VPS37C: variants seen among roughly 807,000 people sequenced by gnomAD.
VPS37C encodes the protein VPS37C subunit of ESCRT-I, also known as vacuolar protein sorting-associated protein 37C.
In VPS37C, 9 loss-of-function variants were observed where a neutral mutation model predicts 16.1. The observed-to-expected ratio is 0.56, with a 90% confidence interval of 0.34 to 0.97. VPS37C has a LOEUF of 0.97. VPS37C is among the 50% of genes least tolerant of loss of function. VPS37C has a pLI of 0.02. For synonymous variants in VPS37C, 207 were observed against 206.4 expected, an observed-to-expected ratio of 1.00 and a Z score of -0.02; for missense variants, 479 against 472.7, an observed-to-expected ratio of 1.01 and a Z score of -0.12.
chr11:61,138,710 T>G, intron 2 of VPS37C, 27 bp downstream of exon 2: 1 of 1,610,550 alleles, frequency 6.2e-7, no homozygotes, highest in Middle Eastern at 1.7e-4. Context: ...CTGGCCTCTG[T>G]TGGGTCCCAT....
At chr11:61,133,008 C>T in intron 4 of VPS37C, 2 of 616,110 alleles carry the variant, frequency 3.2e-6, no homozygotes, top group Non-Finnish European at 5.9e-6. Context: ...TGCTGTGCTG[C>T]CCTACCATCC....
chr11:61,141,266 G>A (rs1276215004), intron 1 of VPS37C, among the ~76,000 whole-genome samples: 1 of 151,838 alleles, frequency 6.6e-6, no homozygotes, highest in East Asian at 1.9e-4. Context: ...TACTCCGGAG[G>A]CCCAGGCACC....
chr11:61,137,609 G>A (rs1015867649), intron 2 of VPS37C, among the ~76,000 whole-genome samples: 6 of 152,198 alleles, frequency 3.9e-5, no homozygotes, highest in Non-Finnish European at 7.3e-5. Context: ...CTGGGCAGGA[G>A]CAACGCCCTG....
intron 1 of VPS37C, among the ~76,000 whole-genome samples, chr11:61,142,636 C>T (rs1861490308): frequency 6.6e-6 from 1 of 152,006 alleles, no homozygotes; most frequent in Admixed American, 6.5e-5. Flanking sequence ...CTGCACTGTA[C>T]ACTCATGCAA....
intron 1 of VPS37C, among the ~76,000 whole-genome samples, chr11:61,157,982 C>G (rs926970173): frequency 6.6e-6 from 1 of 152,210 alleles, no homozygotes; most frequent in African/African-American, 2.4e-5. Context: ...CCCCTTTCAC[C>G]TTCTGAGACG....
intron 4 of VPS37C, 43 bp downstream of exon 4, chr11:61,133,212 G>A: frequency 6.2e-7 from 1 of 1,604,830 alleles, no homozygotes; most frequent in Non-Finnish European, 8.5e-7. Flanking sequence ...TGCAGGGACT[G>A]ACACCCCGTC....
intron 1 of VPS37C, among the ~76,000 whole-genome samples, chr11:61,141,092 G>A (rs1348287445): frequency 2.0e-5 from 3 of 152,166 alleles, no homozygotes; most frequent in Non-Finnish European, 4.4e-5. Flanking sequence ...AGCTGGGCCA[G>A]GTGCAGTGGC....
intron 1 of VPS37C, among the ~76,000 whole-genome samples, chr11:61,156,005 A>G (rs1460776464): frequency 6.6e-6 from 1 of 152,256 alleles, no homozygotes; most frequent in African/African-American, 2.4e-5. Context: ...AAGTGGTATA[A>G]TATCGCTTGA....
intron 1 of VPS37C, among the ~76,000 whole-genome samples, chr11:61,147,878 G>C (rs757106946): frequency 1.3e-5 from 2 of 151,846 alleles, no homozygotes; most frequent in African/African-American, 4.9e-5. Context: ...GTCCTGTGCA[G>C]ACATGGAATT....
chr11:61,142,863 G>A (rs1861495190), intron 1 of VPS37C, among the ~76,000 whole-genome samples: 1 of 141,936 alleles, frequency 7.0e-6, no homozygotes, highest in Non-Finnish European at 1.5e-5. Context: ...TAGATGACGA[G>A]TTAGTGGGTG....
chr11:61,133,428 C>A, intron 3 of VPS37C, 91 bp from the exon 4 acceptor site: 1 of 1,306,330 alleles, frequency 7.7e-7, no homozygotes. Context: ...TGCATCCAGG[C>A]CCAGCCACCA....
intron 1 of VPS37C, among the ~76,000 whole-genome samples, chr11:61,151,790 A>G (rs1460693843): frequency 6.6e-6 from 1 of 152,222 alleles, no homozygotes; most frequent in Admixed American, 6.5e-5. Flanking sequence ...TCAGACCAAC[A>G]GCATTCAGCG....
intron 1 of VPS37C, among the ~76,000 whole-genome samples, chr11:61,149,202 C>T (rs373331488): frequency 2.1e-3 from 317 of 152,286 alleles, no homozygotes; most frequent in Non-Finnish European, 3.6e-3. Context: ...AGGAGAATGG[C>T]GTGAACCCAG....
At chr11:61,142,975 T>TAAAAAAAAAAAAAAAAAAAAAAAAAAC in intron 1 of VPS37C, among the ~76,000 whole-genome samples, 1 of 47,590 alleles carries the variant, frequency 2.1e-5, no homozygotes, top group South Asian at 8.2e-4. Context: ...AAAGAATAGC[T>TAAAAAAAAAAAAAAAAAAAAAAAAAAC]AAAAAAAAAA....
intron 1 of VPS37C, among the ~76,000 whole-genome samples, chr11:61,151,018 AT>A (rs1853290545): frequency 6.6e-6 from 1 of 152,066 alleles, no homozygotes; most frequent in African/African-American, 2.4e-5. Context: ...GGCTTTTCTC[AT>A]TTTAAATAGG....
intron 1 of VPS37C, among the ~76,000 whole-genome samples, chr11:61,142,952 A>G (rs563831795): frequency 2.7e-5 from 1 of 36,458 alleles, no homozygotes; most frequent in South Asian, 1.4e-3. Context: ...CTTAAAGTAT[A>G]ATAAAAAAAA....
chr11:61,133,485 T>C (rs1861310169), intron 3 of VPS37C, 148 bp from the exon 4 acceptor site: 4 of 756,106 alleles, frequency 5.3e-6, no homozygotes, highest in Admixed American at 2.4e-5. Context: ...TGATGAGCAC[T>C]TTTGGTCCAG....
chr11:61,141,921 C>A lies in VPS37C; in HGVS notation c.-6-3086G>T, dbSNP rs578085028. ...CACACAAACAGCACAGTCAGCACCA[C>A]CATCTGTGAAAGCACCCAGCAGGTT... On this transcript the variant is annotated intron_variant, in intron 1 of 4. Transcript: ENST00000301765. Among the ~76,000 whole-genome samples the A allele has an allele frequency of 2.0e-5, 3 of 152,352 alleles. No homozygotes were observed. The East Asian group carries it at 5.8e-4, about 29-fold the overall frequency.
chr11:61,145,920 C>T (rs558234497), intron 1 of VPS37C, among the ~76,000 whole-genome samples: 8 of 152,302 alleles, frequency 5.3e-5, no homozygotes, highest in East Asian at 1.9e-4. Flanking sequence ...CCAAGATGCC[C>T]GGGAGGATGC....
Sources: allele counts gnomAD v4.1 joint callset (sites outside exome capture counted in the v4.1 genomes callset), GRCh38; gene constraint gnomAD v4.1.1; transcripts MANE v1.5; gene names NCBI Gene and HGNC (gene_info 2026-07-23, HGNC 2026-07-21).